CCDC33: variants seen among roughly 807,000 people sequenced by gnomAD.
CCDC33 encodes coiled-coil domain containing 33, also known as coiled-coil domain-containing protein 33.
Under a neutral mutation model 91.9 loss-of-function variants are expected in CCDC33, and 94 were observed. The observed-to-expected ratio is 1.02, with a 90% CI of 0.87 to 1.21. CCDC33 has a LOEUF of 1.21. Ranked by LOEUF, CCDC33 falls within the 50% of genes most tolerant of loss-of-function variation. CCDC33 has a pLI of 0.00. For synonymous variants in CCDC33, 396 were observed against 374.5 expected, an observed-to-expected ratio of 1.06 and a Z score of -0.66; for missense variants, 940 against 935.5, an observed-to-expected ratio of 1.00 and a Z score of -0.06.
Position 74,244,118 on chromosome 15 carries a change from A to G in CCDC33, c.155A>G (p.Asp52Gly). ...GCTACCAACCTGCCTGCCTGCAAGG[A>G]TGGCTCCGAGCCGTGGCCCTATGTG... ...HGATNLPACK[D>G]GSEPWPYVVV... The change falls in exon 2 of 19, where the codon GAT becomes GGT. Residue 52 changes from aspartate to glycine, a missense_variant. Coordinates refer to ENST00000398814, the MANE Select transcript of CCDC33 (RefSeq NM_025055.5). This position sits in a 1 kb window ranked among gnomAD's most constrained non-coding sequence, Gnocchi z 4.2. 6.2e-7 allele frequency: 1 copy of G among 1,613,640 alleles called. No homozygotes were observed. The highest frequency in any genetic ancestry group is 8.5e-7 in the Non-Finnish European group (1 of 1,179,708).
chr15:74,322,054 T>A (rs191641099), intron 11 of CCDC33, among the ~76,000 whole-genome samples: 5 of 151,802 alleles, frequency 3.3e-5, no homozygotes, highest in Admixed American at 3.3e-4. Flanking sequence ...TGAAAGGGGG[T>A]CTAGCTGTGC....
chr15:74,276,621 T>G (rs1167927761), intron 7 of CCDC33, among the ~76,000 whole-genome samples: 2 of 152,142 alleles, frequency 1.3e-5, no homozygotes, highest in African/African-American at 2.4e-5. Flanking sequence ...CTGGGCCCCC[T>G]GTTACTATCA....
At chr15:74,203,353 T>G in intron 1 of CCDC33, 1 of 301,532 alleles carries the variant, frequency 3.3e-6, no homozygotes, top group Non-Finnish European at 4.9e-6. Context: ...AGGTTGAGGG[T>G]GAGCAAGGGA....
At chr15:74,211,462 G>A (rs2142125335) in intron 2 of CCDC33, among the ~76,000 whole-genome samples, 1 of 143,484 alleles carries the variant, frequency 7.0e-6, no homozygotes, top group South Asian at 2.2e-4. Context: ...GTGCAATGGT[G>A]CTATCTCAGT....
intron 2 of CCDC33, among the ~76,000 whole-genome samples, chr15:74,249,345 G>A (rs1018924936): frequency 7.2e-5 from 11 of 151,910 alleles, no homozygotes; most frequent in Non-Finnish European, 1.3e-4. Context: ...AAAATTAGCC[G>A]GGTGTGGTGG....
At chr15:74,256,651 T>A (rs2075874749) in intron 2 of CCDC33, among the ~76,000 whole-genome samples, 1 of 152,026 alleles carries the variant, frequency 6.6e-6, no homozygotes, top group South Asian at 2.1e-4. Flanking sequence ...GGCATGACAC[T>A]CCAAAGGCTG....
intron 8 of CCDC33, among the ~76,000 whole-genome samples, chr15:74,280,341 G>A (rs1296671985): frequency 6.6e-6 from 1 of 152,190 alleles, no homozygotes; most frequent in East Asian, 1.9e-4. Flanking sequence ...TGATGGGGGA[G>A]GGCTGGAGCC....
intron 11 of CCDC33, among the ~76,000 whole-genome samples, chr15:74,306,256 C>T (rs1396032361): frequency 6.6e-6 from 1 of 152,178 alleles, no homozygotes; most frequent in Non-Finnish European, 1.5e-5. Context: ...GTGGTCAGGA[C>T]TGGGGCTCAG....
intron 7 of CCDC33, among the ~76,000 whole-genome samples, chr15:74,277,620 C>A (rs1290898611): frequency 1.3e-5 from 2 of 152,248 alleles, no homozygotes; most frequent in African/African-American, 2.4e-5. Context: ...AGTACCCTCA[C>A]CAGGGCTCTG....
At position 74,289,600 on chromosome 15, in the gene CCDC33, G is replaced by T. The variant is rs367630783; in HGVS notation, c.1096-6154G>T. On this transcript the variant is annotated intron_variant, in intron 10 of 18. Transcript: ENST00000398814. ...ATCGTGTTGTGCACCTGTAGTCCTA[G>T]CTACTTGGGGGCGTTGAGGCAGGAG... 3.5e-4 allele frequency among the ~76,000 whole-genome samples: 53 copies of T among 152,314 alleles called. 9 individuals are homozygous for T. The highest frequency in any genetic ancestry group is 1.4e-3 in the East Asian group (7 of 5,182).
In CCDC33 at chr15:74,236,734, C is replaced by G; in HGVS notation, c.15C>G (p.Asn5Lys). ...GCCTCAAGAGGATGGGACTGAAAAACAAAAAGGTAAGGCCAGGGGCATGGG... is the reference window on the plus strand; with the variant it reads ...GCCTCAAGAGGATGGGACTGAAAAAGAAAAAGGTAAGGCCAGGGGCATGGG... Reference protein sequence around the residue: MGLKNKKNTEDPEEP... With the variant: MGLKKKKNTEDPEEP... Residue 5 changes from asparagine to lysine, a missense_variant, in exon 1 of 19, where the codon AAC (asparagine) becomes AAG (lysine). Transcript: ENST00000398814. 6 of 1,613,836 alleles carry G rather than the reference C, an allele frequency of 3.7e-6. No homozygotes were observed. The highest frequency in any genetic ancestry group is 5.1e-6 in the Non-Finnish European group (6 of 1,179,864).
chr15:74,280,152 AG>A, intron 8 of CCDC33, 60 bp downstream of exon 8: 1 of 1,596,340 alleles, frequency 6.3e-7, no homozygotes, highest in Non-Finnish European at 8.5e-7. Context: ...GTATTATGAA[AG>A]GGTGTTCAGA....
At chr15:74,223,774 GCA>G (rs34461827) in intron 2 of CCDC33, among the ~76,000 whole-genome samples, 54,451 of 145,370 alleles carry the variant, frequency 0.37, 10,349 homozygotes, top group East Asian at 0.48. Flanking sequence ...ACGCAAGCAT[GCA>G]CACACACACA....
chr15:74,272,910 G>T lies in CCDC33; in HGVS notation c.759+19G>T. On this transcript the variant is annotated intron_variant, in intron 7 of 18. Transcript: ENST00000398814. Reference sequence around the variant, plus strand: ...CCCTCAGGTATGTCTCCTCCCCAGTGGTTCCAGCTTCCTGTAACTACCCCA... The same window carrying T: ...CCCTCAGGTATGTCTCCTCCCCAGTTGTTCCAGCTTCCTGTAACTACCCCA... The T allele has an allele frequency of 6.2e-7, 1 of 1,613,876 alleles. No homozygotes were observed. The highest frequency in any genetic ancestry group is 8.5e-7 in the Non-Finnish European group (1 of 1,179,864).
At chr15:74,322,454 C>T (rs2060226192) in intron 11 of CCDC33, among the ~76,000 whole-genome samples, 1 of 152,236 alleles carries the variant, frequency 6.6e-6, no homozygotes, top group Admixed American at 6.5e-5. Flanking sequence ...CCCCTGTCCT[C>T]ACCACTCAGC....
At chr15:74,245,341 G>GA (rs2075488565) in intron 2 of CCDC33, among the ~76,000 whole-genome samples, 1 of 152,180 alleles carries the variant, frequency 6.6e-6, no homozygotes. Context: ...AGCAACAGGT[G>GA]AAACACTTGC....
intron 3 of CCDC33, among the ~76,000 whole-genome samples, chr15:74,266,016 G>A (rs977165924): frequency 4.6e-5 from 7 of 152,152 alleles, no homozygotes; most frequent in African/African-American, 1.7e-4. Context: ...AAAGTGAGAC[G>A]CTGTCTCAAA....
chr15:74,273,613 C>T (rs1406451170), intron 7 of CCDC33, among the ~76,000 whole-genome samples: 1 of 151,852 alleles, frequency 6.6e-6, no homozygotes, highest in East Asian at 1.9e-4. Context: ...GGCTTATAGG[C>T]ACATGCCACC....
chr15:74,313,272 A>G (rs1235886611), intron 11 of CCDC33, among the ~76,000 whole-genome samples: 3 of 152,120 alleles, frequency 2.0e-5, no homozygotes, highest in African/African-American at 7.2e-5. Flanking sequence ...CAGCACCTCA[A>G]GGATGCTTTC....
Sources: allele counts gnomAD v4.1 joint callset (sites outside exome capture counted in the v4.1 genomes callset), GRCh38; gene constraint gnomAD v4.1.1; non-coding constraint Gnocchi (gnomAD v3.1); transcripts MANE v1.5; gene names NCBI Gene and HGNC (gene_info 2026-07-23, HGNC 2026-07-21).